Variants in SLC35F4 observed in about 807,000 individuals in gnomAD.
The protein encoded by SLC35F4 is chromosome 14 open reading frame 36.
In SLC35F4, 24 loss-of-function variants were observed where a neutral mutation model predicts 44.2. The observed-to-expected ratio is 0.54, with a 90% CI of 0.39 to 0.76. The LOEUF is 0.76. Among genes scored for constraint, SLC35F4 ranks in the 30% least tolerant of loss-of-function variants. The pLI, the probability that SLC35F4 is intolerant of heterozygous loss-of-function variation, is 0.00. For synonymous variants in SLC35F4, 238 were observed against 223.6 expected, an observed-to-expected ratio of 1.06 and a Z score of -0.57; for missense variants, 562 against 586.1, an observed-to-expected ratio of 0.96 and a Z score of 0.42.
chr14:57,827,214 T>C (rs1251604206), intron 1 of SLC35F4, among the ~76,000 whole-genome samples: 1 of 152,166 alleles, frequency 6.6e-6, no homozygotes, highest in African/African-American at 2.4e-5. Flanking sequence ...TGCATGGACA[T>C]GGATGGAGCT....
intron 1 of SLC35F4, among the ~76,000 whole-genome samples, chr14:57,615,758 A>G (rs1401351135): frequency 1.3e-5 from 2 of 151,458 alleles, no homozygotes; most frequent in African/African-American, 4.9e-5. Context: ...TTTAAAATCC[A>G]TGGCACCCAA....
At chr14:57,951,379 C>A (rs956329478) in intron 1 of SLC35F4, among the ~76,000 whole-genome samples, 5 of 152,186 alleles carry the variant, frequency 3.3e-5, no homozygotes, top group Non-Finnish European at 5.9e-5. Flanking sequence ...AGACACCGAG[C>A]TAGCTGGAGT....
intron 1 of SLC35F4, among the ~76,000 whole-genome samples, chr14:57,966,559 G>T (rs1045509588): frequency 6.6e-6 from 1 of 152,178 alleles, no homozygotes; most frequent in Non-Finnish European, 1.5e-5. Flanking sequence ...TTATATCACT[G>T]CTGACAAACT....
At chr14:57,639,040 A>G (rs547629365) in intron 1 of SLC35F4, among the ~76,000 whole-genome samples, 1 of 152,168 alleles carries the variant, frequency 6.6e-6, no homozygotes, top group South Asian at 2.1e-4. Context: ...GCCCAATTTG[A>G]CTTAGGAGTC....
intron 1 of SLC35F4, among the ~76,000 whole-genome samples, chr14:57,754,307 G>A (rs1329474904): frequency 6.6e-6 from 1 of 151,974 alleles, no homozygotes; most frequent in Non-Finnish European, 1.5e-5. Flanking sequence ...GTTTCACCAT[G>A]TTGGCCAGTC....
chr14:57,819,759 G>A (rs1882970187), intron 1 of SLC35F4, among the ~76,000 whole-genome samples: 3 of 150,920 alleles, frequency 2.0e-5, no homozygotes, highest in Non-Finnish European at 4.4e-5. Flanking sequence ...GGCACAGTGA[G>A]CCGAGATCGC....
Position 57,581,240 on chromosome 14 carries a change from G to C in SLC35F4, c.781C>G (p.Leu261Val). The C allele has an allele frequency of 1.9e-6, 3 of 1,592,534 alleles. No individual in the cohort carries two copies. Among genetic ancestry groups the C allele is most frequent in the Non-Finnish European group, 2.6e-6 (3 of 1,170,270 alleles). ...CTCACTCCCATGAACCTGTCTTTCAGCACAATCCATGACAGCAAGAAGACA... is the reference window on the plus strand; with the variant it reads ...CTCACTCCCATGAACCTGTCTTTCACCACAATCCATGACAGCAAGAAGACA... ...AFVFLLSWIV[L>V]KDRFMGVRIV... Residue 261 changes from leucine (L) to valine (V), a missense_variant, in exon 4 of 8, where the codon CTG (leucine) becomes GTG (valine). Transcript: ENST00000556826.
chr14:57,882,354 C>G (rs1223879544), intron 1 of SLC35F4, among the ~76,000 whole-genome samples: 3 of 152,194 alleles, frequency 2.0e-5, no homozygotes, highest in Non-Finnish European at 4.4e-5. Flanking sequence ...ACCCACCTCC[C>G]ACCACCTATC....
intron 1 of SLC35F4, among the ~76,000 whole-genome samples, chr14:57,944,401 A>G (rs1380296017): frequency 6.6e-6 from 1 of 152,172 alleles, no homozygotes; most frequent in Non-Finnish European, 1.5e-5. Flanking sequence ...CACCTGATGA[A>G]TATGCTTTTA....
chr14:57,790,124 G>A (rs1326988942), intron 1 of SLC35F4, among the ~76,000 whole-genome samples: 1 of 152,050 alleles, frequency 6.6e-6, no homozygotes, highest in Admixed American at 6.6e-5. Flanking sequence ...TATTCAACAT[G>A]TTATTGGAAG....
At chr14:57,852,181 A>C (rs1447500080) in intron 1 of SLC35F4, among the ~76,000 whole-genome samples, 4 of 152,180 alleles carry the variant, frequency 2.6e-5, no homozygotes, top group African/African-American at 9.7e-5. Flanking sequence ...GAAAAAGTAC[A>C]TGAGATGATA....
intron 1 of SLC35F4, among the ~76,000 whole-genome samples, chr14:57,872,510 A>T (rs1439398348): frequency 1.3e-5 from 2 of 152,146 alleles, no homozygotes; most frequent in African/African-American, 4.8e-5. Context: ...TGATTCACCT[A>T]GACACAGCCT....
At chr14:57,697,592 T>C (rs1566773805) in intron 1 of SLC35F4, among the ~76,000 whole-genome samples, 4 of 151,902 alleles carry the variant, frequency 2.6e-5, no homozygotes, top group African/African-American at 7.3e-5. Flanking sequence ...TCCCAGCTAC[T>C]TGGAAGGCTG....
intron 4 of SLC35F4, among the ~76,000 whole-genome samples, chr14:57,579,220 A>G (rs1021594833): frequency 6.6e-5 from 10 of 152,192 alleles, no homozygotes; most frequent in Non-Finnish European, 1.2e-4. Flanking sequence ...CCTTTATCCA[A>G]ATAAGGTCAC....
intron 1 of SLC35F4, among the ~76,000 whole-genome samples, chr14:57,786,112 C>A (rs900659992): frequency 6.6e-6 from 1 of 151,988 alleles, no homozygotes; most frequent in Non-Finnish European, 1.5e-5. Flanking sequence ...CTTCAGTTTG[C>A]GTGGGAGCTG....
intron 1 of SLC35F4, among the ~76,000 whole-genome samples, chr14:57,696,571 T>C (rs1171322756): frequency 6.6e-6 from 1 of 152,224 alleles, no homozygotes; most frequent in East Asian, 1.9e-4. Context: ...ACTGGGCATA[T>C]ACCCAAAGGA....
chr14:57,743,104 C>T (rs2076659022), intron 1 of SLC35F4, among the ~76,000 whole-genome samples: 1 of 152,122 alleles, frequency 6.6e-6, no homozygotes, highest in African/African-American at 2.4e-5. Flanking sequence ...GCACTAAATG[C>T]CCACAAGAGA....
intron 1 of SLC35F4, among the ~76,000 whole-genome samples, chr14:57,674,243 G>T (rs1289462902): frequency 6.6e-6 from 1 of 152,014 alleles, no homozygotes; most frequent in Non-Finnish European, 1.5e-5. Context: ...AGAGCAATTA[G>T]ACATCTCATA....
intron 1 of SLC35F4, among the ~76,000 whole-genome samples, chr14:57,645,681 G>C (rs1285281665): frequency 6.6e-6 from 1 of 151,206 alleles, no homozygotes; most frequent in African/African-American, 2.4e-5. Flanking sequence ...TGGTGAGAGA[G>C]GGCATCCCTG....
Sources: allele counts gnomAD v4.1 joint callset (sites outside exome capture counted in the v4.1 genomes callset), GRCh38; gene constraint gnomAD v4.1.1; transcripts MANE v1.5; gene names NCBI Gene and HGNC (gene_info 2026-07-23, HGNC 2026-07-21).